BMAL1: variants seen among roughly 807,000 people sequenced by gnomAD.
The protein encoded by BMAL1 is basic helix-loop-helix ARNT like 1.
the BMAL1 span, among the ~76,000 whole-genome samples, chr11:13,331,188 A>C: frequency 1.3e-5 from 2 of 152,216 alleles, no homozygotes; most frequent in African/African-American, 4.8e-5. Context: ...ATGGCCAAAC[A>C]ATCAGCCCAT....
the BMAL1 span, among the ~76,000 whole-genome samples, chr11:13,351,263 C>CCT: frequency 1.8e-4 from 28 of 152,126 alleles, no homozygotes; most frequent in Non-Finnish European, 1.5e-5. Context: ...ATGTCGAGCT[C>CCT]ATAGGATTTG....
At chr11:13,307,758 G>A in the BMAL1 span, among the ~76,000 whole-genome samples, 1 of 152,214 alleles carries the variant, frequency 6.6e-6, no homozygotes, top group Admixed American at 6.5e-5. Flanking sequence ...CAGAAGATAG[G>A]TGATACAGTC....
the BMAL1 span, among the ~76,000 whole-genome samples, chr11:13,359,591 C>T: frequency 1.3e-5 from 2 of 152,196 alleles, no homozygotes; most frequent in Non-Finnish European, 2.9e-5. Context: ...GGTTGCAACA[C>T]GTCCTGTCTC....
chr11:13,374,997 C>G, the BMAL1 span, among the ~76,000 whole-genome samples: 3 of 152,198 alleles, frequency 2.0e-5, no homozygotes. Flanking sequence ...TGCTGCTCCT[C>G]AGGCACTGCT....
At chr11:13,345,642 A>G in the BMAL1 span, among the ~76,000 whole-genome samples, 87 of 152,118 alleles carry the variant, frequency 5.7e-4, no homozygotes, top group Non-Finnish European at 1.1e-3. Context: ...ACCAGCAGTA[A>G]AGCTGGACAC....
At chr11:13,309,703 G>A in the BMAL1 span, among the ~76,000 whole-genome samples, 10 of 152,232 alleles carry the variant, frequency 6.6e-5, no homozygotes, top group Middle Eastern at 3.4e-3. Context: ...AAAGCCTACA[G>A]TCTAGAGAAA....
the BMAL1 span, chr11:13,357,231 T>C: frequency 3.0e-6 from 4 of 1,319,484 alleles, no homozygotes; most frequent in Admixed American, 2.2e-5. This position sits in a 1 kb window ranked among gnomAD's most constrained non-coding sequence, Gnocchi z 4.8. Context: ...AATAGGCAGG[T>C]AGTGGGCCTT....
the BMAL1 span, chr11:13,358,501 T>A: frequency 6.2e-7 from 1 of 1,613,378 alleles, no homozygotes. Context: ...TGAATTGGCT[T>A]CTTTGGTACC....
At chr11:13,334,651 A>G in the BMAL1 span, among the ~76,000 whole-genome samples, 2 of 152,108 alleles carry the variant, frequency 1.3e-5, no homozygotes, top group Non-Finnish European at 2.9e-5. Context: ...AAACTGGGTC[A>G]TCTCTTCAAG....
the BMAL1 span, among the ~76,000 whole-genome samples, chr11:13,314,386 T>C: frequency 6.6e-6 from 1 of 152,042 alleles, no homozygotes; most frequent in Non-Finnish European, 1.5e-5. Flanking sequence ...ATTCATAATG[T>C]GATAAAATGT....
At chr11:13,307,353 C>G in the BMAL1 span, among the ~76,000 whole-genome samples, 1 of 152,150 alleles carries the variant, frequency 6.6e-6, no homozygotes, top group Non-Finnish European at 1.5e-5. Flanking sequence ...GGTTCGTAGG[C>G]CACTGCTTTA....
chr11:13,366,826 C>T, the BMAL1 span: 2 of 1,533,248 alleles, frequency 1.3e-6, no homozygotes, highest in East Asian at 4.5e-5. Flanking sequence ...AGCCCACTCA[C>T]AGGCAGCCAA....
At chr11:13,282,888 T>G in the BMAL1 span, among the ~76,000 whole-genome samples, 1 of 151,926 alleles carries the variant, frequency 6.6e-6, no homozygotes, top group Non-Finnish European at 1.5e-5. Flanking sequence ...TGGGATGGGG[T>G]GGGCACTCAG....
At chr11:13,296,917 C>T in the BMAL1 span, among the ~76,000 whole-genome samples, 4 of 152,194 alleles carry the variant, frequency 2.6e-5, no homozygotes, top group African/African-American at 7.2e-5. Flanking sequence ...GCTCCTGCAC[C>T]GTCCTCCTGC....
the BMAL1 span, chr11:13,365,282 A>AACACACAC: frequency 0.022 from 3,966 of 182,710 alleles, 45 homozygotes; most frequent in Middle Eastern, 0.03. Flanking sequence ...GATATGCAGA[A>AACACACAC]ACACACACAC....
At chr11:13,366,818 C>A in the BMAL1 span, 1 of 1,572,952 alleles carries the variant, frequency 6.4e-7, no homozygotes, top group Non-Finnish European at 8.7e-7. Flanking sequence ...TCCTCAGCAG[C>A]CCACTCACAG....
At chr11:13,342,483 T>C in the BMAL1 span, among the ~76,000 whole-genome samples, 1 of 152,028 alleles carries the variant, frequency 6.6e-6, no homozygotes, top group African/African-American at 2.4e-5. Context: ...CTGTTAGATG[T>C]GAGGTGATAA....
At chr11:13,365,449 A>C in the BMAL1 span, 2 of 1,532,622 alleles carry the variant, frequency 1.3e-6, no homozygotes, top group Non-Finnish European at 1.8e-6. Flanking sequence ...GGTGATTACA[A>C]ATTATGTTTC....
chr11:13,376,800 A>ATACTTTAGGGGAG, the BMAL1 span: 1 of 1,414,056 alleles, frequency 7.1e-7, no homozygotes, highest in South Asian at 1.3e-5. Context: ...CCTCCCCTAA[A>ATACTTTAGGGGAG]GTATTCAGGG....
Sources: allele counts gnomAD v4.1 joint callset (sites outside exome capture counted in the v4.1 genomes callset), GRCh38; gene constraint gnomAD v4.1.1; non-coding constraint Gnocchi (gnomAD v3.1); transcripts MANE v1.5; gene names NCBI Gene and HGNC (gene_info 2026-07-23, HGNC 2026-07-21).